Variants in AFAP1 observed in about 807,000 individuals in gnomAD.
AFAP1 encodes actin filament-associated protein 1.
AFAP1 carries 75 observed loss-of-function variants against 93.9 expected under a neutral mutation model. That is an observed-to-expected ratio of 0.80 (90% CI 0.66 to 0.97). The LOEUF (loss-of-function observed/expected upper bound fraction) is 0.97. AFAP1 is among the 50% of genes least tolerant of loss of function. The pLI, the probability that AFAP1 is intolerant of heterozygous loss-of-function variation, is 0.00. For synonymous variants in AFAP1, 517 were observed against 430.7 expected, an observed-to-expected ratio of 1.20 and a Z score of -2.48; for missense variants, 1,201 against 1,050.8, an observed-to-expected ratio of 1.14 and a Z score of -1.98.
intron 4 of AFAP1, among the ~76,000 whole-genome samples, chr4:7,847,102 AG>A (rs1713791776): frequency 6.6e-6 from 1 of 152,254 alleles, no homozygotes; most frequent in African/African-American, 2.4e-5. Flanking sequence ...AGGAACAGCC[AG>A]AAGTCACCGA....
chr4:7,761,637 C>G lies in AFAP1; in HGVS notation c.*2128G>C, dbSNP rs1321633066. 1 of 152,288 alleles carries G rather than the reference C, an allele frequency of 6.6e-6. No homozygotes were observed. The highest frequency in any genetic ancestry group is 1.5e-5 in the Non-Finnish European group (1 of 68,078). The allele number at this position is 152,288 out of a possible 1,614,324, so 9.4% of individuals were successfully genotyped here. ...CTAACCACCAAAACCTCACACAGTT[C>G]TCTTTGGCAAAGCAGGCTGCCAATC... On this transcript the variant is annotated 3_prime_UTR_variant, in exon 18 of 18. Coordinates refer to ENST00000420658, the MANE Select transcript of AFAP1 (RefSeq NM_001134647.2).
chr4:7,768,796 A>G, intron 17 of AFAP1, 48 bp downstream of exon 17: 9 of 1,496,442 alleles, frequency 6.0e-6, no homozygotes, highest in Non-Finnish European at 8.1e-6. Flanking sequence ...CTGGGAGCTT[A>G]AAGTGCCTGC....
Position 7,781,612 on chromosome 4 carries a change from C to T in AFAP1, c.1546G>A (p.Gly516Ser), listed in dbSNP as rs368001545. Residue 516 changes from glycine (G) to serine (S), a missense_variant, in exon 13 of 18, where the codon GGC becomes AGC. Gly to Ser is a moderately conservative substitution (Grantham distance 56). Coordinates refer to ENST00000420658, the MANE Select transcript of AFAP1 (RefSeq NM_001134647.2). ...CINGSWEPED[G>S]FPASCSRGLG... Reference sequence around the variant, plus strand: ...CCTCTGCTGCAGGAAGCAGGAAAGCCGTCTTCCGGTTCCCACTGCAACACA... The same window carrying T: ...CCTCTGCTGCAGGAAGCAGGAAAGCTGTCTTCCGGTTCCCACTGCAACACA... The T allele has an allele frequency of 5.3e-5, 83 of 1,551,636 alleles. No individual in the cohort carries two copies. In the Middle Eastern group the frequency reaches 6.7e-4, roughly 12 times the overall value.
chr4:7,779,510 C>T (rs920016340), intron 13 of AFAP1, among the ~76,000 whole-genome samples: 2 of 152,220 alleles, frequency 1.3e-5, no homozygotes, highest in African/African-American at 4.8e-5. Flanking sequence ...TTGCATTTTG[C>T]TGAAGTGACC....
intron 15 of AFAP1, chr4:7,773,243 G>T: frequency 1.7e-6 from 1 of 582,030 alleles, no homozygotes; most frequent in Non-Finnish European, 2.8e-6. Flanking sequence ...AAGAGGAGAT[G>T]CTGATTCTGA....
chr4:7,896,396 G>C lies in AFAP1; in HGVS notation c.-2-24316C>G, dbSNP rs920884962. Among the ~76,000 whole-genome samples the C allele has an allele frequency of 2.0e-5, 3 of 152,102 alleles. No individual in the cohort carries two copies. The East Asian group carries it at 5.8e-4, about 29-fold the overall frequency. ...AAAATAAAGCAAGCACCTCCAACGA[G>C]GGGTCTGATCACTCTCGACTTCCTT... On this transcript the variant is annotated intron_variant, in intron 1 of 17. Coordinates refer to ENST00000420658, the MANE Select transcript of AFAP1 (RefSeq NM_001134647.2).
At chr4:7,781,893 C>T (rs1716811936) in intron 12 of AFAP1, among the ~76,000 whole-genome samples, 1 of 151,906 alleles carries the variant, frequency 6.6e-6, no homozygotes. Context: ...ATTTTTTTTT[C>T]CTTAAACCAT....
intron 3 of AFAP1, among the ~76,000 whole-genome samples, chr4:7,859,330 A>G (rs1336863041): frequency 6.6e-6 from 1 of 152,058 alleles, no homozygotes; most frequent in Non-Finnish European, 1.5e-5. Context: ...GAGGCAGGAG[A>G]ATTGCTTAAA....
rs763926226 is a variant in AFAP1 at position 7,778,815 on chromosome 4, C to T, written c.1844G>A (p.Ser615Asn). 1 of 1,614,230 alleles carries T rather than the reference C, an allele frequency of 6.2e-7. No homozygotes were observed. Among genetic ancestry groups the T allele is most frequent in the African/African-American group, 1.3e-5 (1 of 75,056 alleles). ...NGVTGKGKTL[S>N]SQPKKADPAA... ...GGGATCCGCTTTCTTTGGCTGACTG[C>T]TCAGAGTCTTCCCTTTTCCTGTGAC... Residue 615 changes from serine to asparagine, a missense_variant, in exon 14 of 18, where the codon AGC becomes AAC. Transcript: ENST00000420658.
Position 7,872,046 on chromosome 4 carries a change from A to C in AFAP1, c.33T>G (p.Phe11Leu). The C allele has an allele frequency of 6.2e-7, 1 of 1,614,110 alleles. No individual in the cohort carries two copies. The highest frequency in any genetic ancestry group is 8.5e-7 in the Non-Finnish European group (1 of 1,180,014). Residue 11 changes from phenylalanine to leucine, a missense_variant, in exon 2 of 18, where the codon TTT (phenylalanine) becomes TTG (leucine). Coordinates refer to ENST00000420658, the MANE Select transcript of AFAP1 (RefSeq NM_001134647.2). MEELIVELRL[F>L]LELLDHEYLT... ...GATATTCATGGTCCAGGAGTTCAAG[A>C]AAGAGACGAAGTTCAACTATTAACT...
Position 7,771,836 on chromosome 4 carries a change from G to C in AFAP1, c.2253+984C>G, listed in dbSNP as rs564849008. Reference sequence around the variant, plus strand: ...TCCTCTGGGTTGGAGGTGATCGCTGGGGTGCCACAGGAGACTGGGGCAGGG... The same window carrying C: ...TCCTCTGGGTTGGAGGTGATCGCTGCGGTGCCACAGGAGACTGGGGCAGGG... On this transcript the variant is annotated intron_variant, in intron 16 of 17. Transcript: ENST00000420658. Among the ~76,000 whole-genome samples the C allele has an allele frequency of 2.0e-4, 31 of 152,242 alleles. 1 individual carries two copies. The East Asian group carries it at 2.7e-3, about 13-fold the overall frequency.
chr4:7,787,022 G>T (rs759483791), intron 11 of AFAP1, among the ~76,000 whole-genome samples: 2 of 152,228 alleles, frequency 1.3e-5, no homozygotes, highest in Non-Finnish European at 2.9e-5. Flanking sequence ...TCCTTTAGAA[G>T]GTGTGCTACT....
chr4:7,821,441 C>T (rs1001553239), intron 6 of AFAP1, among the ~76,000 whole-genome samples: 4 of 152,170 alleles, frequency 2.6e-5, no homozygotes, highest in Non-Finnish European at 5.9e-5. Flanking sequence ...GGATTCCGTG[C>T]ACGAGGGCTT....
Position 7,768,876 on chromosome 4 carries a change from G to A in AFAP1, c.2386C>T (p.Pro796Ser), listed in dbSNP as rs754653435. The A allele has an allele frequency of 2.5e-6, 4 of 1,607,610 alleles. No individual in the cohort carries two copies. The highest frequency in any genetic ancestry group is 3.3e-5 in the Admixed American group (2 of 59,838). ...TTCCGCAGCACATGCCCTCGGCAGGGGGAGCTGCCCGGGGCAGCCTGGCTC... is the reference window on the plus strand; with the variant it reads ...TTCCGCAGCACATGCCCTCGGCAGGAGGAGCTGCCCGGGGCAGCCTGGCTC... The part of the protein sequence containing the change: ...KKSQAAPGSS[P>S]CRGHVLRKAK... The change falls in exon 17 of 18, where the codon CCC (proline) becomes TCC (serine). Residue 796 changes from proline to serine, a missense_variant. Physicochemically the swap from Pro to Ser is moderately conservative, Grantham distance 74. Coordinates refer to ENST00000420658, the MANE Select transcript of AFAP1 (RefSeq NM_001134647.2).
intron 2 of AFAP1, among the ~76,000 whole-genome samples, chr4:7,868,944 A>G (rs770507542): frequency 7.2e-5 from 11 of 151,814 alleles, no homozygotes; most frequent in East Asian, 1.9e-4. Flanking sequence ...AAAGAGAAAG[A>G]GAAAGGGAAA....
chr4:7,877,453 G>A (rs921785134), intron 1 of AFAP1, among the ~76,000 whole-genome samples: 8 of 152,198 alleles, frequency 5.3e-5, no homozygotes, highest in African/African-American at 1.9e-4. Flanking sequence ...GATTACAAGT[G>A]CCAGGCACTG....
At chr4:7,850,306 C>T (rs1714288661) in intron 4 of AFAP1, among the ~76,000 whole-genome samples, 3 of 152,144 alleles carry the variant, frequency 2.0e-5, no homozygotes, top group African/African-American at 2.4e-5. Flanking sequence ...CATCCAACAT[C>T]GGGGCCTGAG....
At chr4:7,887,043 G>C (rs1309046595) in intron 1 of AFAP1, among the ~76,000 whole-genome samples, 5 of 152,096 alleles carry the variant, frequency 3.3e-5, no homozygotes, top group African/African-American at 1.2e-4. Context: ...TCTAGGAAAG[G>C]AAGAATCACA....
At chr4:7,837,862 T>C (rs542072512) in intron 6 of AFAP1, among the ~76,000 whole-genome samples, 3 of 152,128 alleles carry the variant, frequency 2.0e-5, no homozygotes, top group African/African-American at 4.8e-5. Flanking sequence ...CTAGAAAAGA[T>C]ACAAAAACTA....
Sources: gnomAD v4.1 joint callset for allele counts (sites outside exome capture counted in the v4.1 genomes callset) on GRCh38, gnomAD v4.1.1 for gene constraint, MANE v1.5 for transcripts, NCBI Gene and HGNC (gene_info 2026-07-23, HGNC 2026-07-21) for gene names.